UPK1B: variants seen among roughly 807,000 people sequenced by gnomAD.
UPK1B encodes uroplakin-1b.
A neutral mutation model predicts 34.2 loss-of-function variants in UPK1B; 28 were observed. That is an observed-to-expected ratio of 0.82 (90% CI 0.61 to 1.12). The LOEUF (loss-of-function observed/expected upper bound fraction) is 1.12. Ranked by LOEUF, UPK1B falls within the 50% of genes most tolerant of loss-of-function variation. UPK1B has a pLI of 0.00. For synonymous variants in UPK1B, 81 were observed against 110.4 expected, an observed-to-expected ratio of 0.73 and a Z score of 1.67; for missense variants, 325 against 320.9, an observed-to-expected ratio of 1.01 and a Z score of -0.10.
In UPK1B at chr3:119,204,268, G is replaced by A. The variant is rs755740080; in HGVS notation, c.*301G>A. On this transcript the variant is annotated 3_prime_UTR_variant, in exon 8 of 8. Transcript: ENST00000264234. ...TTAATTTGGGAAAATAAATACATTC[G>A]AAGGAACCTGTGTTATCACAGTAAC... 16 of 347,308 alleles carry A rather than the reference G, an allele frequency of 4.6e-5. No individual in the cohort carries two copies. The highest frequency in any genetic ancestry group is 1.5e-4 in the East Asian group (3 of 19,532). 21.5% of individuals were successfully genotyped at this position (347,308 alleles called of 1,614,324 possible).
intron 2 of UPK1B, 72 bp downstream of exon 2, chr3:119,186,882 A>G (rs1159557751): frequency 1.3e-6 from 2 of 1,516,354 alleles, no homozygotes; most frequent in Non-Finnish European, 1.8e-6. Context: ...CAAAAGTAAG[A>G]GTTTAAAGGA....
intron 7 of UPK1B, among the ~76,000 whole-genome samples, 177 bp downstream of exon 7, chr3:119,199,317 G>A (rs1237320327): frequency 2.0e-5 from 3 of 152,190 alleles, no homozygotes; most frequent in Non-Finnish European, 2.9e-5. Flanking sequence ...TGAGAGGCAA[G>A]GAGTTAACTT....
intron 6 of UPK1B, among the ~76,000 whole-genome samples, chr3:119,197,020 G>A (rs533036934): frequency 5.1e-5 from 7 of 138,556 alleles, no homozygotes; most frequent in Non-Finnish European, 9.7e-5. Context: ...TTTATTTTTT[G>A]TAGAGATGAG....
At chr3:119,179,345 AGAGG>A (rs2077974467) in intron 1 of UPK1B, among the ~76,000 whole-genome samples, 1 of 107,476 alleles carries the variant, frequency 9.3e-6, no homozygotes, top group African/African-American at 3.3e-5. Flanking sequence ...GGAGAGAGAG[AGAGG>A]GAGATATATA....
intron 7 of UPK1B, among the ~76,000 whole-genome samples, chr3:119,200,308 C>T (rs2078085656): frequency 6.6e-6 from 1 of 152,216 alleles, no homozygotes; most frequent in South Asian, 2.1e-4. Context: ...CCACCCTGGC[C>T]TCCCAAAACA....
In UPK1B at chr3:119,204,302, G is replaced by C. The variant is rs1029027719; in HGVS notation, c.*335G>C. 32 of 250,094 alleles carry C rather than the reference G, an allele frequency of 1.3e-4. No homozygotes were observed. Among genetic ancestry groups the C allele is most frequent in the African/African-American group, 6.4e-4 (29 of 45,344 alleles). 15.5% of individuals were successfully genotyped at this position (250,094 alleles called of 1,614,324 possible). ...TGTGTTATCACAGTAACCCAGAGCT[G>C]TATTTGGCTAGCAATCTGCCTGTAT... On this transcript the variant is annotated 3_prime_UTR_variant, in exon 8 of 8. Coordinates refer to ENST00000264234, the MANE Select transcript of UPK1B (RefSeq NM_006952.4).
chr3:119,192,987 T>G (rs1436211393), intron 5 of UPK1B, among the ~76,000 whole-genome samples: 1 of 98 alleles, frequency 0.01, no homozygotes, highest in Non-Finnish European at 0.022. Context: ...CCAACTACAA[T>G]TGGCCTCTGC....
At chr3:119,187,111 T>A (rs1168506354) in intron 2 of UPK1B, among the ~76,000 whole-genome samples, 3 of 152,252 alleles carry the variant, frequency 2.0e-5, no homozygotes, top group African/African-American at 4.8e-5. Context: ...CTATTTCTTT[T>A]CTATGTCACC....
Position 119,205,127 on chromosome 3 carries a change from G to A in UPK1B, c.*1160G>A, listed in dbSNP as rs1233282956. ...ACATTTGTCTGGTCTTATAAGTAAA[G>A]ACAGCTTTAAAATCTGTTCACTTTC... On this transcript the variant is annotated 3_prime_UTR_variant, in exon 8 of 8. Coordinates refer to ENST00000264234, the MANE Select transcript of UPK1B (RefSeq NM_006952.4). The A allele has an allele frequency of 2.0e-5, 3 of 152,174 alleles. No individual in the cohort carries two copies. Among genetic ancestry groups the A allele is most frequent in the African/African-American group, 7.2e-5 (3 of 41,444 alleles). 9.4% of individuals were successfully genotyped at this position (152,174 alleles called of 1,614,324 possible). A position where few individuals can be genotyped will look rare whatever the true frequency, so the allele number is the denominator to read the frequency against.
intron 6 of UPK1B, among the ~76,000 whole-genome samples, chr3:119,196,185 C>G (rs2078066702): frequency 6.6e-6 from 1 of 152,138 alleles, no homozygotes; most frequent in African/African-American, 2.4e-5. Context: ...GACATAATCT[C>G]TTATCTATTA....
In UPK1B at chr3:119,189,140, A is replaced by C. The variant is rs1005908024; in HGVS notation, c.271-1105A>C. Among the ~76,000 whole-genome samples, 3 of 152,208 alleles carry C rather than the reference A, an allele frequency of 2.0e-5. No homozygotes were observed. The South Asian group carries it at 6.2e-4, about 32-fold the overall frequency. On this transcript the variant is annotated intron_variant, in intron 3 of 7. Coordinates refer to ENST00000264234, the MANE Select transcript of UPK1B (RefSeq NM_006952.4). ...AGGCAAAGGGGCTAAAGGAGGAAAC[A>C]CCTCACTGCATACCTCCTTTCTGGA...
At chr3:119,196,901 T>C (rs1325442837) in intron 6 of UPK1B, among the ~76,000 whole-genome samples, 1 of 152,158 alleles carries the variant, frequency 6.6e-6, no homozygotes, top group Admixed American at 6.5e-5. Flanking sequence ...TGGAGTGCCA[T>C]GCTGCAATCA....
chr3:119,201,240 C>T (rs759505330), intron 7 of UPK1B, among the ~76,000 whole-genome samples: 34 of 152,166 alleles, frequency 2.2e-4, no homozygotes, highest in Non-Finnish European at 3.5e-4. Context: ...ACATAATGGA[C>T]TTCTGAACTG....
At chr3:119,203,817 G>A in intron 7 of UPK1B, 100 bp from the exon 8 acceptor site, 1 of 1,229,374 alleles carries the variant, frequency 8.1e-7, no homozygotes, top group Non-Finnish European at 1.2e-6. Flanking sequence ...AAAATCTGTT[G>A]TCACCTAAGC....
intron 1 of UPK1B, among the ~76,000 whole-genome samples, chr3:119,182,638 C>T (rs2077994364): frequency 6.6e-6 from 1 of 152,176 alleles, no homozygotes; most frequent in Admixed American, 6.5e-5. Context: ...CATTCTGATG[C>T]CAAGTCCAGT....
At position 119,190,253 on chromosome 3, in the gene UPK1B, T is replaced by C; in HGVS notation, c.279T>C (p.Ile93=). ...ATTTATTTCCCTTCCAGTATTTCAT[T>C]CTGATGTTTATAGTATATGCCTTTG... ...SSRKILLAYF[I]LMFIVYAFEV... Residue 93 remains isoleucine, a synonymous_variant, in exon 4 of 8, where the codon ATT becomes ATC. Transcript: ENST00000264234. 1 of 1,604,978 alleles carries C rather than the reference T, an allele frequency of 6.2e-7. No homozygotes were observed. The highest frequency in any genetic ancestry group is 8.5e-7 in the Non-Finnish European group (1 of 1,173,896).
chr3:119,192,909 C>T (rs2078050447), intron 5 of UPK1B, among the ~76,000 whole-genome samples: 1 of 151,846 alleles, frequency 6.6e-6, no homozygotes, highest in Non-Finnish European at 1.5e-5. Flanking sequence ...TTGTTTTATT[C>T]CACAGCAAAT....
intron 3 of UPK1B, 22 bp from the exon 4 acceptor site, chr3:119,190,223 A>G (rs2078037782): frequency 1.3e-6 from 2 of 1,551,114 alleles, no homozygotes; most frequent in Non-Finnish European, 8.8e-7. Context: ...TAATTCTTTT[A>G]TCTCATTTAT....
At chr3:119,175,056 G>A (rs1296613228) in intron 1 of UPK1B, among the ~76,000 whole-genome samples, 35 of 108,488 alleles carry the variant, frequency 3.2e-4, no homozygotes, top group African/African-American at 1.3e-3. Context: ...TTGAGACGGA[G>A]TCACTCTGAG....
Sources: gnomAD v4.1 joint callset for allele counts (sites outside exome capture counted in the v4.1 genomes callset) on GRCh38, gnomAD v4.1.1 for gene constraint, MANE v1.5 for transcripts, NCBI Gene and HGNC (gene_info 2026-07-23, HGNC 2026-07-21) for gene names.